Variants in CRB1 observed in about 807,000 individuals in gnomAD.
CRB1 encodes crumbs cell polarity complex component 1.
CRB1 carries 83 observed loss-of-function variants against 120.0 expected under a neutral mutation model. The ratio of observed to expected loss-of-function variants is 0.69; its 90% CI spans 0.58 to 0.83. The LOEUF (loss-of-function observed/expected upper bound fraction) is 0.83, where lower values mean the gene tolerates loss of function less well. CRB1 is among the 40% of genes least tolerant of loss of function. The probability of loss-of-function intolerance (pLI) is 0.00; values close to 1 mark genes in which losing one functional copy is unlikely to be tolerated. For missense variants in CRB1, 1,699 were observed against 1,687.6 expected (o/e 1.01, Z -0.12); for synonymous variants, 625 against 612.5 (o/e 1.02, Z -0.30).
the CRB1 span, among the ~76,000 whole-genome samples, chr1:197,233,406 G>A: frequency 6.6e-6 from 1 of 152,168 alleles, no homozygotes; most frequent in African/African-American, 2.4e-5. Context: ...TAAGTAGAAT[G>A]TAAGTGGCAC....
At chr1:197,339,055 T>C (rs1212605638) in intron 2 of CRB1, among the ~76,000 whole-genome samples, 1 of 152,204 alleles carries the variant, frequency 6.6e-6, no homozygotes, top group Non-Finnish European at 1.5e-5. Context: ...AAGTGAATGA[T>C]TCAAAAAGAG....
At chr1:197,214,452 C>T in the CRB1 span, among the ~76,000 whole-genome samples, 1 of 152,088 alleles carries the variant, frequency 6.6e-6, no homozygotes, top group Admixed American at 6.6e-5. Flanking sequence ...TTCCACAGGG[C>T]CTACTCTGGG....
At chr1:197,211,319 A>G in the CRB1 span, among the ~76,000 whole-genome samples, 75 of 152,366 alleles carry the variant, frequency 4.9e-4, no homozygotes, top group African/African-American at 1.8e-3. Flanking sequence ...AAATTAAAGA[A>G]GACTTAATAA....
At chr1:197,267,841 A>G (rs531391470), upstream of CRB1, among the ~76,000 whole-genome samples, 79 of 152,310 alleles carry the variant, frequency 5.2e-4, no homozygotes, top group South Asian at 8.1e-3. Flanking sequence ...AACTCTGTTC[A>G]TTTTATGCAG....
intron 3 of CRB1, among the ~76,000 whole-genome samples, chr1:197,345,807 T>C (rs985740636): frequency 6.6e-6 from 1 of 152,112 alleles, no homozygotes; most frequent in Non-Finnish European, 1.5e-5. Flanking sequence ...TGCACCTGGC[T>C]CTCAAATTTT....
the CRB1 span, among the ~76,000 whole-genome samples, chr1:197,229,468 C>T: frequency 8.5e-5 from 13 of 152,100 alleles, no homozygotes; most frequent in Non-Finnish European, 1.6e-4. Context: ...ACAATTTCAA[C>T]TTTTAGATTC....
At chr1:197,331,762 T>G (rs1658867546) in intron 2 of CRB1, among the ~76,000 whole-genome samples, 1 of 152,184 alleles carries the variant, frequency 6.6e-6, no homozygotes, top group African/African-American at 2.4e-5. Flanking sequence ...TGTAATAGTC[T>G]TATATTTGTA....
intron 11 of CRB1, among the ~76,000 whole-genome samples, chr1:197,453,284 T>C (rs1287249476): frequency 1.4e-5 from 2 of 139,524 alleles, no homozygotes; most frequent in Non-Finnish European, 3.0e-5. Flanking sequence ...TATATATATA[T>C]AATTAAATTA....
chr1:197,211,162 G>T, the CRB1 span, among the ~76,000 whole-genome samples: 2 of 152,086 alleles, frequency 1.3e-5, no homozygotes, highest in Admixed American at 1.3e-4. Flanking sequence ...AAATATTTTA[G>T]TGTTTATCCC....
chr1:197,448,083 C>G (rs554900952), intron 11 of CRB1, among the ~76,000 whole-genome samples: 1 of 150,472 alleles, frequency 6.6e-6, no homozygotes, highest in Middle Eastern at 3.4e-3. Flanking sequence ...GTTTTTTTTT[C>G]TCTATAATTG....
chr1:197,461,670 T>A (rs889197435), intron 11 of CRB1, among the ~76,000 whole-genome samples: 3 of 152,138 alleles, frequency 2.0e-5, no homozygotes, highest in Admixed American at 1.3e-4. Flanking sequence ...GACATTGCAA[T>A]TCACAAGCTC....
At chr1:197,364,646 T>C (rs1341359626) in intron 5 of CRB1, among the ~76,000 whole-genome samples, 1 of 151,986 alleles carries the variant, frequency 6.6e-6, no homozygotes, top group Non-Finnish European at 1.5e-5. Context: ...GTTCATTGAT[T>C]CTGTTCTTTT....
chr1:197,330,792 ACC>A (rs71750942), intron 2 of CRB1, among the ~76,000 whole-genome samples: 6 of 150,666 alleles, frequency 4.0e-5, no homozygotes, highest in East Asian at 1.9e-4. Context: ...ATGTTTTTGC[ACC>A]CCCCCCCAAA....
At chr1:197,228,791 G>GA in the CRB1 span, among the ~76,000 whole-genome samples, 31 of 152,262 alleles carry the variant, frequency 2.0e-4, no homozygotes, top group African/African-American at 7.5e-4. Flanking sequence ...AGACTGGGAA[G>GA]AAAAAGAGGT....
At chr1:197,380,726 G>A (rs1661910457) in intron 5 of CRB1, among the ~76,000 whole-genome samples, 1 of 152,096 alleles carries the variant, frequency 6.6e-6, no homozygotes, top group African/African-American at 2.4e-5. Context: ...ACACCAGGAA[G>A]CTCTACACCA....
At chr1:197,305,231 A>C (rs1657094510) in intron 1 of CRB1, among the ~76,000 whole-genome samples, 1 of 152,156 alleles carries the variant, frequency 6.6e-6, no homozygotes, top group Non-Finnish European at 1.5e-5. Flanking sequence ...AAATAATTTA[A>C]GTTTCTTTCT....
intron 1 of CRB1, among the ~76,000 whole-genome samples, chr1:197,283,517 T>G (rs573195328): frequency 6.6e-6 from 1 of 152,010 alleles, no homozygotes; most frequent in South Asian, 2.1e-4. Context: ...CCTGAGTTAC[T>G]TCACTTAGAA....
the CRB1 span, among the ~76,000 whole-genome samples, chr1:197,237,482 C>T: frequency 6.6e-6 from 1 of 152,224 alleles, no homozygotes; most frequent in South Asian, 2.1e-4. Context: ...GGCCCCACCT[C>T]TTAATATTAT....
At chr1:197,453,701 T>G (rs1666100192) in intron 11 of CRB1, among the ~76,000 whole-genome samples, 1 of 146,768 alleles carries the variant, frequency 6.8e-6, no homozygotes, top group African/African-American at 2.5e-5. Context: ...CTCAGCCTCC[T>G]GAGTAGCTGG....
Sources: gnomAD v4.1 joint callset for allele counts (sites outside exome capture counted in the v4.1 genomes callset) on GRCh38, gnomAD v4.1.1 for gene constraint, MANE v1.5 for transcripts, NCBI Gene and HGNC (gene_info 2026-07-23, HGNC 2026-07-21) for gene names.